SWT1: variants seen among roughly 807,000 people sequenced by gnomAD.
The protein encoded by SWT1 is transcriptional protein SWT1.
Under a neutral mutation model 107.3 loss-of-function variants are expected in SWT1, and 33 were observed. That is an observed-to-expected ratio of 0.31 (90% CI 0.23 to 0.41). SWT1 has a LOEUF of 0.41. Among genes scored for constraint, SWT1 ranks in the 10% least tolerant of loss-of-function variants. The pLI is 1.00. For missense variants in SWT1, 898 were observed against 1,028.9 expected, an observed-to-expected ratio of 0.87 and a Z score of 1.74; for synonymous variants, 345 against 348.3, an observed-to-expected ratio of 0.99 and a Z score of 0.11.
At chr1:185,271,021 G>A (rs1028080577) in intron 16 of SWT1, among the ~76,000 whole-genome samples, 2 of 152,138 alleles carry the variant, frequency 1.3e-5, no homozygotes, top group African/African-American at 4.8e-5. Flanking sequence ...TGAGAAATCT[G>A]TATTATTGTA....
chr1:185,261,948 TG>T (rs1221338308), intron 16 of SWT1, among the ~76,000 whole-genome samples: 1 of 152,162 alleles, frequency 6.6e-6, no homozygotes, highest in Non-Finnish European at 1.5e-5. Flanking sequence ...GTAATAGGCT[TG>T]TGTCTCAGCC....
intron 16 of SWT1, among the ~76,000 whole-genome samples, chr1:185,269,016 C>G (rs1220648193): frequency 1.3e-5 from 2 of 152,170 alleles, no homozygotes; most frequent in African/African-American, 4.8e-5. Context: ...CTACGCCCGG[C>G]TAATTTTTTG....
chr1:185,210,694 CCGGG>C (rs1233813548), intron 13 of SWT1, among the ~76,000 whole-genome samples: 1 of 152,022 alleles, frequency 6.6e-6, no homozygotes, highest in Non-Finnish European at 1.5e-5. Flanking sequence ...AAGTTCTGGC[CCGGG>C]CACTCAGACA....
At chr1:185,220,605 C>T (rs929697686) in intron 14 of SWT1, among the ~76,000 whole-genome samples, 1 of 152,132 alleles carries the variant, frequency 6.6e-6, no homozygotes, top group Non-Finnish European at 1.5e-5. Flanking sequence ...AGCTGCAGAT[C>T]TACATATCCA....
chr1:185,159,966 C>T (rs188776395), intron 1 of SWT1, among the ~76,000 whole-genome samples: 5 of 152,058 alleles, frequency 3.3e-5, no homozygotes, highest in Non-Finnish European at 5.9e-5. Flanking sequence ...TCAGGTGATC[C>T]GCCTGTCTCG....
At chr1:185,210,124 G>A (rs1354338737) in intron 13 of SWT1, among the ~76,000 whole-genome samples, 1 of 152,074 alleles carries the variant, frequency 6.6e-6, no homozygotes, top group Non-Finnish European at 1.5e-5. Flanking sequence ...TATATTAGCT[G>A]TTTGTCAGAT....
intron 16 of SWT1, among the ~76,000 whole-genome samples, chr1:185,265,779 C>A (rs1000631592): frequency 6.6e-6 from 1 of 152,128 alleles, no homozygotes; most frequent in Non-Finnish European, 1.5e-5. Flanking sequence ...ATTTTGTTAT[C>A]CTCAATAACA....
intron 10 of SWT1, among the ~76,000 whole-genome samples, chr1:185,194,627 ACTTCC>A (rs1657234901): frequency 6.6e-6 from 1 of 150,496 alleles, no homozygotes; most frequent in Admixed American, 6.6e-5. Flanking sequence ...CTTTCTTTTG[ACTTCC>A]CTTCAAGTTT....
chr1:185,181,547 C>A (rs1343182154), intron 6 of SWT1, among the ~76,000 whole-genome samples: 1 of 152,114 alleles, frequency 6.6e-6, no homozygotes, highest in South Asian at 2.1e-4. Context: ...AAATTTGACT[C>A]CTAAAATGAA....
rs183153242 is a variant in SWT1 at position 185,257,683 on chromosome 1, C to T, written c.2442-13640C>T. Among the ~76,000 whole-genome samples the T allele has an allele frequency of 9.8e-3, 1,495 of 152,368 alleles. 15 individuals are homozygous for T. The highest frequency in any genetic ancestry group is 0.035 in the African/African-American group (1,435 of 41,588). Reference sequence around the variant, plus strand: ...CCACTGACCTGTGCCCACTGTCTGGCACTCCCTAGTGAGATGAACCTGGTA... The same window carrying T: ...CCACTGACCTGTGCCCACTGTCTGGTACTCCCTAGTGAGATGAACCTGGTA... On this transcript the variant is annotated intron_variant, in intron 16 of 18. Transcript: ENST00000367500.
rs925277998 is a variant in SWT1 at position 185,169,429 on chromosome 1, TATTA to T, written c.224+1035_224+1038del. 9.9e-5 allele frequency among the ~76,000 whole-genome samples: 15 copies of T among 152,226 alleles called. No homozygotes were observed. In the East Asian group the frequency reaches 1.9e-3, roughly 20 times the overall value. ...ATAAAATGTTTTATAAAAATCTCCG[TATTA>T]ATTCAGCTCTAGAGAAGTTTCTGAA... On this transcript the variant is annotated intron_variant, in intron 4 of 18. Transcript: ENST00000367500.
At chr1:185,246,645 A>C (rs1188890612) in intron 16 of SWT1, among the ~76,000 whole-genome samples, 1 of 45,214 alleles carries the variant, frequency 2.2e-5, no homozygotes, top group Non-Finnish European at 4.1e-5. Flanking sequence ...TTTTTTTTTT[A>C]ATAGAGGGGG....
At chr1:185,279,724 C>T (rs1664496141) in intron 18 of SWT1, among the ~76,000 whole-genome samples, 1 of 149,956 alleles carries the variant, frequency 6.7e-6, no homozygotes, top group Admixed American at 6.7e-5. Flanking sequence ...TTTGGTTTCA[C>T]TGGTTCATAC....
intron 10 of SWT1, among the ~76,000 whole-genome samples, chr1:185,201,849 A>G (rs1657909678): frequency 6.6e-6 from 1 of 152,174 alleles, no homozygotes; most frequent in African/African-American, 2.4e-5. Context: ...AGAGACTTGT[A>G]GTTCTCGCTA....
chr1:185,235,199 C>T (rs1467261140), intron 16 of SWT1, among the ~76,000 whole-genome samples: 2 of 152,202 alleles, frequency 1.3e-5, no homozygotes, highest in African/African-American at 2.4e-5. Flanking sequence ...AGGGAATCCT[C>T]CCTAATGCAT....
intron 1 of SWT1, among the ~76,000 whole-genome samples, chr1:185,159,298 G>A (rs949062068): frequency 6.6e-5 from 10 of 152,172 alleles, no homozygotes; most frequent in African/African-American, 1.9e-4. Context: ...CCTCATTTAT[G>A]TTTTGATTTG....
intron 14 of SWT1, among the ~76,000 whole-genome samples, chr1:185,219,485 A>G (rs1012833352): frequency 2.0e-4 from 31 of 152,212 alleles, no homozygotes; most frequent in Non-Finnish European, 4.4e-4. Context: ...AAATTTTAAT[A>G]TGTATGAAAT....
chr1:185,248,794 G>T (rs1404407232), intron 16 of SWT1, among the ~76,000 whole-genome samples: 12 of 117,048 alleles, frequency 1.0e-4, no homozygotes, highest in Admixed American at 9.8e-4. Flanking sequence ...AAAAAAAAAA[G>T]ACAAAAGCAG....
intron 18 of SWT1, chr1:185,281,167 A>T: frequency 4.3e-6 from 1 of 233,808 alleles, no homozygotes; most frequent in Non-Finnish European, 8.6e-6. Flanking sequence ...CATAAACTTT[A>T]CAAGAATGCC....
Sources: allele counts gnomAD v4.1 joint callset (sites outside exome capture counted in the v4.1 genomes callset), GRCh38; gene constraint gnomAD v4.1.1; transcripts MANE v1.5; gene names NCBI Gene and HGNC (gene_info 2026-07-23, HGNC 2026-07-21).